The following MAP2 variants were observed in gnomAD, a reference collection of about 807,000 sequenced individuals.
MAP2 encodes microtubule-associated protein 2.
In MAP2, 14 loss-of-function variants were observed where a neutral mutation model predicts 137.6. The observed-to-expected ratio is 0.10, with a 90% CI of 0.07 to 0.16. The LOEUF (loss-of-function observed/expected upper bound fraction) is 0.16. MAP2 is among the 10% of genes least tolerant of loss of function. MAP2 has a pLI of 1.00. For missense variants in MAP2, 2,088 were observed against 2,191.5 expected, an observed-to-expected ratio of 0.95 and a Z score of 0.94; for synonymous variants, 786 against 782.3, an observed-to-expected ratio of 1.00 and a Z score of -0.08.
At chr2:209,520,589 T>A (rs1451405236) in intron 2 of MAP2, among the ~76,000 whole-genome samples, 2 of 152,032 alleles carry the variant, frequency 1.3e-5, no homozygotes, top group African/African-American at 4.8e-5. Context: ...TTTTGTTTTG[T>A]TTTTATTAAT....
chr2:209,457,556 G>T (rs1701833537), intron 1 of MAP2, among the ~76,000 whole-genome samples: 2 of 152,062 alleles, frequency 1.3e-5, no homozygotes, highest in African/African-American at 2.4e-5. Context: ...ATATAATGAA[G>T]CTCTGAACTG....
At chr2:209,483,073 C>T (rs556359711) in intron 1 of MAP2, among the ~76,000 whole-genome samples, 9 of 152,174 alleles carry the variant, frequency 5.9e-5, no homozygotes, top group Middle Eastern at 3.4e-3. Flanking sequence ...CAGGGCTTTG[C>T]TAAATCTAGA....
intron 3 of MAP2, among the ~76,000 whole-genome samples, chr2:209,612,349 CAG>C (rs1246014898): frequency 2.0e-5 from 3 of 152,078 alleles, no homozygotes; most frequent in Non-Finnish European, 2.9e-5. Flanking sequence ...GTAATGAAGT[CAG>C]GGGTTAAAAA....
intron 6 of MAP2, among the ~76,000 whole-genome samples, chr2:209,679,217 G>C (rs181051629): frequency 2.0e-5 from 3 of 152,116 alleles, no homozygotes; most frequent in Non-Finnish European, 4.4e-5. Flanking sequence ...AGAGAGTGCT[G>C]CTCTCTCCCT....
chr2:209,570,861 A>G (rs2074280982), intron 2 of MAP2, among the ~76,000 whole-genome samples: 1 of 151,910 alleles, frequency 6.6e-6, no homozygotes, highest in African/African-American at 2.4e-5. Context: ...GAAAAGGATG[A>G]TACGGGAAGC....
rs193151259 is a variant in MAP2 at position 209,469,479 on chromosome 2, C to T, written c.-221-38113C>T. Among the ~76,000 whole-genome samples the T allele has an allele frequency of 1.8e-4, 28 of 152,234 alleles. No homozygotes were observed. In the East Asian group the frequency reaches 5.4e-3, roughly 29 times the overall value. On this transcript the variant is annotated intron_variant, in intron 1 of 15. Coordinates refer to ENST00000682079, the MANE Select transcript of MAP2 (RefSeq NM_001375505.1). ...AAAATTTTATTTTGGGGGGCATACTCAAGTAAGTATATGCACAATACACTT... is the reference window on the plus strand; with the variant it reads ...AAAATTTTATTTTGGGGGGCATACTTAAGTAAGTATATGCACAATACACTT...
At chr2:209,681,579 T>C (rs2054583017) in intron 7 of MAP2, among the ~76,000 whole-genome samples, 1 of 152,194 alleles carries the variant, frequency 6.6e-6, no homozygotes, top group African/African-American at 2.4e-5. Context: ...TCCGACTTAG[T>C]CCAGTTAACC....
intron 13 of MAP2, among the ~76,000 whole-genome samples, chr2:209,723,889 T>C (rs75398707): frequency 0.045 from 6,780 of 152,262 alleles, 197 homozygotes; most frequent in African/African-American, 0.084. Flanking sequence ...CATCAGGGAA[T>C]TTCCTGCTTT....
intron 3 of MAP2, among the ~76,000 whole-genome samples, chr2:209,612,023 T>A (rs2087080023): frequency 6.6e-6 from 1 of 152,182 alleles, no homozygotes; most frequent in Non-Finnish European, 1.5e-5. Flanking sequence ...AAGACAGGTC[T>A]GTTAGGTTGC....
chr2:209,696,347 C>A lies in MAP2; in HGVS notation c.4177C>A (p.Gln1393Lys), dbSNP rs935600713. 25 of 1,543,106 alleles carry A rather than the reference C, an allele frequency of 1.6e-5. No homozygotes were observed. The highest frequency in any genetic ancestry group is 2.2e-5 in the Admixed American group (1 of 45,010). Residue 1393 changes from glutamine (Q) to lysine (K), a missense_variant, in exon 8 of 16, where the codon CAA becomes AAA. Transcript: ENST00000682079. Reference protein sequence around the residue: ...MDADSLWVDTQDDDRSIMTEQ... With the variant: ...MDADSLWVDTKDDDRSIMTEQ... ...CGCTGACAGCCTCTGGGTGGACACT[C>A]AAGGTGTGCATTATTATTATTATTA...
intron 3 of MAP2, among the ~76,000 whole-genome samples, chr2:209,583,975 C>T (rs552962541): frequency 6.6e-6 from 1 of 151,994 alleles, no homozygotes; most frequent in East Asian, 1.9e-4. Flanking sequence ...ATCTTTATGT[C>T]CACAATTACC....
At chr2:209,474,173 T>C (rs1323813544) in intron 1 of MAP2, among the ~76,000 whole-genome samples, 2 of 152,178 alleles carry the variant, frequency 1.3e-5, no homozygotes, top group African/African-American at 4.8e-5. Flanking sequence ...TGCCAGGTGT[T>C]GAACCAAAGC....
At chr2:209,475,858 C>T (rs1370159809) in intron 1 of MAP2, among the ~76,000 whole-genome samples, 1 of 152,042 alleles carries the variant, frequency 6.6e-6, no homozygotes, top group Non-Finnish European at 1.5e-5. Context: ...TATTCCAGAA[C>T]CTTCTATGAA....
chr2:209,560,775 T>G (rs967237172), intron 2 of MAP2, among the ~76,000 whole-genome samples: 2 of 152,206 alleles, frequency 1.3e-5, no homozygotes. Flanking sequence ...AGCACACCTA[T>G]TTGACTATGA....
intron 1 of MAP2, among the ~76,000 whole-genome samples, chr2:209,472,880 A>C (rs1334122101): frequency 1.3e-5 from 2 of 152,204 alleles, no homozygotes; most frequent in African/African-American, 4.8e-5. Flanking sequence ...TCTTCTAGTC[A>C]AGTCTGTCTT....
intron 13 of MAP2, chr2:209,723,776 A>C (rs2284359): frequency 0.078 from 65,193 of 831,676 alleles, 3,594 homozygotes; most frequent in East Asian, 0.23. Context: ...ACCTCTTTCC[A>C]ACACACTGCT....
intron 1 of MAP2, among the ~76,000 whole-genome samples, chr2:209,488,215 C>T (rs1353902280): frequency 1.3e-5 from 2 of 152,170 alleles, no homozygotes; most frequent in African/African-American, 4.8e-5. Context: ...AAGGGAAGCC[C>T]TGAGGGACTG....
intron 12 of MAP2, 30 bp from the exon 13 acceptor site, chr2:209,709,884 G>A: frequency 6.5e-7 from 1 of 1,539,124 alleles, no homozygotes. Context: ...TCTGACTCTG[G>A]TTTGGTTTTG....
intron 2 of MAP2, among the ~76,000 whole-genome samples, chr2:209,521,330 C>T (rs2063250429): frequency 6.6e-6 from 1 of 151,854 alleles, no homozygotes; most frequent in Non-Finnish European, 1.5e-5. Flanking sequence ...ATGATTTGAC[C>T]TCATTTATTA....
Sources: gnomAD v4.1 joint callset for allele counts (sites outside exome capture counted in the v4.1 genomes callset) on GRCh38, gnomAD v4.1.1 for gene constraint, MANE v1.5 for transcripts, NCBI Gene and HGNC (gene_info 2026-07-23, HGNC 2026-07-21) for gene names.